DEPDC1B: variants seen among roughly 807,000 people sequenced by gnomAD.
DEPDC1B encodes DEP domain containing 1B.
In DEPDC1B, 51 loss-of-function variants were observed where a neutral mutation model predicts 66.5. The observed-to-expected ratio is 0.77, with a 90% CI of 0.61 to 0.97. DEPDC1B has a LOEUF of 0.97. DEPDC1B is among the 50% of genes least tolerant of loss of function. The probability of loss-of-function intolerance (pLI) is 0.00; values close to 1 mark genes in which losing one functional copy is unlikely to be tolerated. For missense variants in DEPDC1B, 552 were observed against 637.1 expected, an observed-to-expected ratio of 0.87 and a Z score of 1.44; for synonymous variants, 226 against 223.6, an observed-to-expected ratio of 1.01 and a Z score of -0.10.
intron 2 of DEPDC1B, among the ~76,000 whole-genome samples, chr5:60,653,660 G>T (rs1753508455): frequency 6.6e-6 from 1 of 152,024 alleles, no homozygotes; most frequent in Non-Finnish European, 1.5e-5. Context: ...TTACTTTTGG[G>T]TTCTTGGTCA....
At chr5:60,659,851 T>C (rs1040003291) in intron 2 of DEPDC1B, among the ~76,000 whole-genome samples, 6 of 152,208 alleles carry the variant, frequency 3.9e-5, no homozygotes, top group African/African-American at 1.4e-4. Context: ...TGCTGCATCA[T>C]TAGGCATCTA....
chr5:60,690,155 T>A (rs1754509469), intron 1 of DEPDC1B, among the ~76,000 whole-genome samples: 1 of 152,206 alleles, frequency 6.6e-6, no homozygotes, highest in Non-Finnish European at 1.5e-5. Context: ...TTTATAAGCA[T>A]TTTATATACT....
chr5:60,691,241 A>T (rs1368147162), intron 1 of DEPDC1B, among the ~76,000 whole-genome samples: 1 of 151,980 alleles, frequency 6.6e-6, no homozygotes, highest in Non-Finnish European at 1.5e-5. Flanking sequence ...TTTAGTAGAG[A>T]TGAGGTTTCA....
In DEPDC1B at chr5:60,647,353, T is replaced by G. The variant is rs368304289; in HGVS notation, c.450+45A>C. 106 of 1,545,578 alleles carry G rather than the reference T, an allele frequency of 6.9e-5. No individual in the cohort carries two copies. The African/African-American group carries it at 1.0e-3, about 15-fold the overall frequency. On this transcript the variant is annotated intron_variant, in intron 3 of 10. Coordinates refer to ENST00000265036, the MANE Select transcript of DEPDC1B (RefSeq NM_018369.3). ...ACCAAGCCTAGGAGTTCATGGATGA[T>G]TCTCCCTGCTGCCAGCCCTTCCATC...
intron 2 of DEPDC1B, among the ~76,000 whole-genome samples, chr5:60,684,383 G>A (rs1012306922): frequency 5.9e-5 from 9 of 152,086 alleles, no homozygotes; most frequent in Non-Finnish European, 1.2e-4. Context: ...ACAAAATGGT[G>A]TTGGTATAAA....
At chr5:60,643,595 C>T (rs2111872003) in intron 5 of DEPDC1B, among the ~76,000 whole-genome samples, 1 of 152,320 alleles carries the variant, frequency 6.6e-6, no homozygotes, top group Admixed American at 6.5e-5. Flanking sequence ...GTAAAATGCT[C>T]TCTTCTTTCT....
At chr5:60,651,007 TAAG>T (rs1753438386) in intron 2 of DEPDC1B, among the ~76,000 whole-genome samples, 1 of 152,172 alleles carries the variant, frequency 6.6e-6, no homozygotes, top group Non-Finnish European at 1.5e-5. Context: ...AGCCATCTTA[TAAG>T]AAGTATGACT....
chr5:60,677,332 T>A (rs889266972), intron 2 of DEPDC1B, among the ~76,000 whole-genome samples: 4,112 of 113,678 alleles, frequency 0.036, 153 homozygotes, highest in African/African-American at 0.11. Flanking sequence ...ACACACTCTC[T>A]CTCTCTCTCT....
intron 2 of DEPDC1B, among the ~76,000 whole-genome samples, chr5:60,664,804 A>T (rs1753801125): frequency 6.6e-6 from 1 of 152,242 alleles, no homozygotes; most frequent in Non-Finnish European, 1.5e-5. Context: ...GAAAAAGAGT[A>T]AATATATATA....
chr5:60,657,723 T>G (rs1024010410), intron 2 of DEPDC1B, among the ~76,000 whole-genome samples: 1 of 152,200 alleles, frequency 6.6e-6, no homozygotes, highest in African/African-American at 2.4e-5. Flanking sequence ...ACTCTTAAGA[T>G]TCCTTCCTTC....
intron 7 of DEPDC1B, among the ~76,000 whole-genome samples, chr5:60,618,700 A>G (rs1381946886): frequency 6.6e-6 from 1 of 152,238 alleles, no homozygotes; most frequent in Non-Finnish European, 1.5e-5. Context: ...GCCAAATTCT[A>G]CCACAGGTAC....
intron 2 of DEPDC1B, among the ~76,000 whole-genome samples, chr5:60,668,098 TAA>T (rs1157864138): frequency 1.1e-5 from 1 of 90,352 alleles, no homozygotes; most frequent in Admixed American, 1.2e-4. Context: ...TATATATATA[TAA>T]AATGGATATT....
At chr5:60,598,628 T>C (rs902195113) in intron 10 of DEPDC1B, among the ~76,000 whole-genome samples, 1 of 152,222 alleles carries the variant, frequency 6.6e-6, no homozygotes, top group Non-Finnish European at 1.5e-5. Flanking sequence ...CTTGTACTGA[T>C]ACCTGAGGCA....
chr5:60,683,182 CA>C (rs1269970079), intron 2 of DEPDC1B, among the ~76,000 whole-genome samples: 1 of 152,182 alleles, frequency 6.6e-6, no homozygotes, highest in Admixed American at 6.5e-5. Flanking sequence ...ATAATCCCAG[CA>C]CTTTGGGAAG....
At chr5:60,609,992 T>C (rs558408022) in intron 7 of DEPDC1B, among the ~76,000 whole-genome samples, 1 of 152,302 alleles carries the variant, frequency 6.6e-6, no homozygotes, top group Admixed American at 6.5e-5. Flanking sequence ...TTATCTGCCA[T>C]TGTTTCCCCT....
chr5:60,615,514 C>A (rs147425746), intron 7 of DEPDC1B, among the ~76,000 whole-genome samples: 7 of 152,200 alleles, frequency 4.6e-5, no homozygotes, highest in African/African-American at 1.7e-4. Context: ...GTGCCTGGCT[C>A]GGAGGGTCCT....
chr5:60,597,824 G>C lies in DEPDC1B; in HGVS notation c.1519C>G (p.Pro507Ala). 1.2e-6 allele frequency: 2 copies of C among 1,613,494 alleles called. No homozygotes were observed. The highest frequency in any genetic ancestry group is 1.7e-6 in the Non-Finnish European group (2 of 1,179,666). Reference protein sequence around the residue: ...LLFPEKPKPKPQLLMWALKKP... With the variant: ...LLFPEKPKPKAQLLMWALKKP... ...TTTAGTGCCCACATTAGCAGCTGTGGTTTCGGTTTGGGTTTTTCAGGAAAC... is the reference window on the plus strand; with the variant it reads ...TTTAGTGCCCACATTAGCAGCTGTGCTTTCGGTTTGGGTTTTTCAGGAAAC... Residue 507 changes from proline (P) to alanine (A), a missense_variant, in exon 11 of 11, where the codon CCA (proline) becomes GCA (alanine). Coordinates refer to ENST00000265036, the MANE Select transcript of DEPDC1B (RefSeq NM_018369.3).
chr5:60,619,867 T>G (rs1038250340), intron 7 of DEPDC1B, among the ~76,000 whole-genome samples: 9 of 152,192 alleles, frequency 5.9e-5, no homozygotes, highest in Admixed American at 5.9e-4. Flanking sequence ...GCTGGAGGCA[T>G]CACGGTACCT....
intron 1 of DEPDC1B, among the ~76,000 whole-genome samples, chr5:60,697,634 G>T (rs1754687270): frequency 6.6e-6 from 1 of 151,954 alleles, no homozygotes; most frequent in Non-Finnish European, 1.5e-5. Flanking sequence ...CTGACAGCAG[G>T]AATACTCACT....
Sources: gnomAD v4.1 joint callset for allele counts (sites outside exome capture counted in the v4.1 genomes callset) on GRCh38, gnomAD v4.1.1 for gene constraint, MANE v1.5 for transcripts, NCBI Gene and HGNC (gene_info 2026-07-23, HGNC 2026-07-21) for gene names.